Variants in SAMD3 observed in about 807,000 individuals in gnomAD.
SAMD3 encodes sterile alpha motif domain containing 3.
Under a neutral mutation model 58.5 loss-of-function variants are expected in SAMD3, and 63 were observed. The ratio of observed to expected loss-of-function variants is 1.08; its 90% CI spans 0.88 to 1.33. The LOEUF is 1.33. Among genes scored for constraint, SAMD3 ranks in the 40% most tolerant of loss-of-function variants. The pLI, the probability that SAMD3 is intolerant of heterozygous loss-of-function variation, is 0.00. For synonymous variants in SAMD3, 220 were observed against 210.3 expected (o/e 1.05, Z -0.40); for missense variants, 604 against 608.4 (o/e 0.99, Z 0.08).
At chr6:130,244,357 G>T (rs897226135) in intron 2 of SAMD3, among the ~76,000 whole-genome samples, 2 of 152,190 alleles carry the variant, frequency 1.3e-5, no homozygotes, top group African/African-American at 4.8e-5. Flanking sequence ...ATATGTCTGG[G>T]TTTGATCCTT....
At chr6:130,200,064 T>A (rs1794499316) in intron 5 of SAMD3, among the ~76,000 whole-genome samples, 1 of 152,006 alleles carries the variant, frequency 6.6e-6, no homozygotes, top group Admixed American at 6.6e-5. Flanking sequence ...ATTCAAGGCC[T>A]CGGGAGTCTT....
At chr6:130,192,831 A>G (rs967501061) in intron 5 of SAMD3, among the ~76,000 whole-genome samples, 1 of 152,280 alleles carries the variant, frequency 6.6e-6, no homozygotes, top group East Asian at 1.9e-4. Flanking sequence ...CAACCAGCCC[A>G]AGAAACATCT....
chr6:130,154,695 GAAAAAAAA>G (rs145408019), intron 9 of SAMD3, 122 bp downstream of exon 9: 19,556 of 106,124 alleles, frequency 0.18, 1,570 homozygotes, highest in Non-Finnish European at 0.22. Context: ...GACTCTGTCT[GAAAAAAAA>G]AAAAAAAAAA....
At chr6:130,230,306 T>G (rs1188484169) in intron 2 of SAMD3, among the ~76,000 whole-genome samples, 1 of 152,218 alleles carries the variant, frequency 6.6e-6, no homozygotes, top group East Asian at 1.9e-4. Context: ...GGGGACTTTT[T>G]TGTGCTGTTC....
rs114146411 is a variant in SAMD3, at chr6:130,198,849, C to T, written c.383+10646G>A. 4.3e-3 allele frequency among the ~76,000 whole-genome samples: 661 copies of T among 152,284 alleles called. 3 individuals are homozygous for T. The highest frequency in any genetic ancestry group is 0.014 in the African/African-American group (581 of 41,548). Reference sequence around the variant, plus strand: ...TAAGCATCTCACCAGGCTTCAGTTGCACCCCATGTGGCTTTATGGGACCCA... The same window carrying T: ...TAAGCATCTCACCAGGCTTCAGTTGTACCCCATGTGGCTTTATGGGACCCA... On this transcript the variant is annotated intron_variant, in intron 5 of 11. Coordinates refer to ENST00000439090, the MANE Select transcript of SAMD3 (RefSeq NM_001017373.4).
At position 130,228,905 on chromosome 6, in the gene SAMD3, T is replaced by C. The variant is rs763589553; in HGVS notation, c.-187-6092A>G. On this transcript the variant is annotated intron_variant, in intron 2 of 13. Coordinates refer to the SAMD3 transcript ENST00000368134. ...TTGCCATTGGGAAGGAATAGGGCAG[T>C]GTGGAAACAATACATTATTACAGGT... 2.6e-5 allele frequency among the ~76,000 whole-genome samples: 4 copies of C among 152,150 alleles called. No individual in the cohort carries two copies. In the South Asian group the frequency reaches 8.3e-4, roughly 31 times the overall value.
chr6:130,236,088 A>G (rs994423842), intron 2 of SAMD3, among the ~76,000 whole-genome samples: 1 of 152,246 alleles, frequency 6.6e-6, no homozygotes, highest in African/African-American at 2.4e-5. Flanking sequence ...GATTAGATAT[A>G]TCTATTACAG....
intron 1 of SAMD3, among the ~76,000 whole-genome samples, chr6:130,325,885 TAGA>T (rs1776742764): frequency 6.6e-6 from 1 of 152,204 alleles, no homozygotes; most frequent in African/African-American, 2.4e-5. Context: ...ATCAAAAATC[TAGA>T]AGTTGACCGG....
intron 2 of SAMD3, among the ~76,000 whole-genome samples, chr6:130,239,600 AG>A (rs1319722140): frequency 6.6e-6 from 1 of 152,204 alleles, no homozygotes; most frequent in African/African-American, 2.4e-5. Context: ...TGAACACTGT[AG>A]AGGGGAGGTA....
Position 130,214,395 on chromosome 6 carries a change from T to G in SAMD3, c.211A>C (p.Lys71Gln), listed in dbSNP as rs202135795. 2.0e-5 allele frequency: 33 copies of G among 1,611,286 alleles called. No individual in the cohort carries two copies. The highest frequency in any genetic ancestry group is 1.6e-4 in the Middle Eastern group (1 of 6,070). The change falls in exon 4 of 12, where the codon AAG becomes CAG. Residue 71 changes from lysine to glutamine, a missense_variant. Transcript: ENST00000439090. ...GCCTTTTTGGGGTTTTCTGGGGACT[T>G]CAGTCCTTGAGTGTTCTGCTTGTAT... ...KKYKQNTQGL[K>Q]SPENPKKAAL... is the part of the protein sequence containing the mutation.
intron 2 of SAMD3, among the ~76,000 whole-genome samples, chr6:130,275,353 G>A (rs576383134): frequency 2.6e-4 from 39 of 152,068 alleles, no homozygotes; most frequent in South Asian, 1.2e-3. Context: ...AAAAATAGTC[G>A]AAAGAGATTT....
intron 2 of SAMD3, among the ~76,000 whole-genome samples, chr6:130,239,474 C>T (rs947444447): frequency 2.0e-5 from 3 of 152,010 alleles, no homozygotes; most frequent in African/African-American, 4.8e-5. Context: ...CCAGTGAAGG[C>T]GTTTTTTGGT....
At chr6:130,158,543 A>G (rs9492464) in intron 8 of SAMD3, among the ~76,000 whole-genome samples, 1 of 152,212 alleles carries the variant, frequency 6.6e-6, no homozygotes, top group African/African-American at 2.4e-5. Flanking sequence ...ACTTAAAAAA[A>G]TTTAAAGAAA....
At chr6:130,275,249 A>T (rs9492521) in intron 2 of SAMD3, among the ~76,000 whole-genome samples, 22,004 of 152,180 alleles carry the variant, frequency 0.14, 4,219 homozygotes, top group African/African-American at 0.44. Flanking sequence ...TTTGACTGTG[A>T]AGACTTACTT....
In SAMD3 at chr6:130,178,811, C is replaced by T. The variant is rs149399622; in HGVS notation, c.655-2803G>A. Among the ~76,000 whole-genome samples the T allele has an allele frequency of 2.0e-5, 3 of 152,302 alleles. No homozygotes were observed. In the East Asian group the frequency reaches 5.8e-4, roughly 29 times the overall value. ...AAACTAAAGTGCTGTTTGTAAAGTCCTTCAACAGCCCTAGTAAGAAAGGCA... is the reference window on the plus strand; with the variant it reads ...AAACTAAAGTGCTGTTTGTAAAGTCTTTCAACAGCCCTAGTAAGAAAGGCA... On this transcript the variant is annotated intron_variant, in intron 7 of 11. Transcript: ENST00000439090.
chr6:130,341,544 A>G lies in SAMD3; in HGVS notation c.-304+23576T>C, dbSNP rs570840732. Among the ~76,000 whole-genome samples the G allele has an allele frequency of 9.2e-5, 14 of 152,320 alleles. No homozygotes were observed. In the East Asian group the frequency reaches 2.3e-3, roughly 25 times the overall value. On this transcript the variant is annotated intron_variant, in intron 1 of 13. Coordinates refer to the SAMD3 transcript ENST00000368134. ...CTTCAATAATATTTAAATTATATAA[A>G]GGTGAAAGAAAATACTCTGAGTCAG...
intron 7 of SAMD3, chr6:130,183,518 CGAAGCA>C (rs1562410475): frequency 2.5e-6 from 1 of 403,998 alleles, no homozygotes; most frequent in Admixed American, 3.5e-5. Context: ...ATGACAGCTC[CGAAGCA>C]GGTGCAGCCA....
At chr6:130,313,784 G>C (rs933556544) in intron 1 of SAMD3, among the ~76,000 whole-genome samples, 1 of 152,166 alleles carries the variant, frequency 6.6e-6, no homozygotes, top group Non-Finnish European at 1.5e-5. Flanking sequence ...GCTATCAGAG[G>C]TACCTACTAT....
intron 8 of SAMD3, among the ~76,000 whole-genome samples, chr6:130,175,016 A>G (rs1436328213): frequency 6.6e-6 from 1 of 152,276 alleles, no homozygotes; most frequent in East Asian, 1.9e-4. Context: ...CAGATGAAAA[A>G]GAAAATAGAA....
Sources: gnomAD v4.1 joint callset for allele counts (sites outside exome capture counted in the v4.1 genomes callset) on GRCh38, gnomAD v4.1.1 for gene constraint, MANE v1.5 for transcripts, NCBI Gene and HGNC (gene_info 2026-07-23, HGNC 2026-07-21) for gene names.